The following SLC9A7 variants were observed in gnomAD, a reference collection of about 807,000 sequenced individuals.
SLC9A7 encodes the protein sodium/hydrogen exchanger 7.
In SLC9A7, 19 loss-of-function variants were observed where a neutral mutation model predicts 52.6. That is an observed-to-expected ratio of 0.36 (90% CI 0.25 to 0.53). The LOEUF is 0.53. Among genes scored for constraint, SLC9A7 ranks in the 20% least tolerant of loss-of-function variants. The pLI is 0.91. For synonymous variants in SLC9A7, 226 were observed against 252.1 expected, an observed-to-expected ratio of 0.90 and a Z score of 0.98; for missense variants, 455 against 597.9, an observed-to-expected ratio of 0.76 and a Z score of 2.49.
intron 1 of SLC9A7, among the ~76,000 whole-genome samples, chrX:46,754,825 T>C (rs1556290932): frequency 8.9e-6 from 1 of 112,545 alleles, no homozygotes; most frequent in Non-Finnish European, 1.9e-5. Context: ...AGAACCACAA[T>C]GAACTGGCAC....
chrX:46,606,684 AT>A lies in SLC9A7; in HGVS notation c.*267del, dbSNP rs1208435727. The A allele has an allele frequency of 2.0e-4, 205 of 1,004,513 alleles. No individual in the cohort carries two copies. The highest frequency in any genetic ancestry group is 5.2e-4 in the East Asian group (13 of 24,884). 82.8% of individuals were successfully genotyped at this position (1,004,513 alleles called of 1,213,427 possible). A position where few individuals can be genotyped will look rare whatever the true frequency, so the allele number is the denominator to read the frequency against. ...AATTAGGAGACCATTAAAGCATGCT[AT>A]TTTTTTTTGTTTGTTTAACTCTGAA... On this transcript the variant is annotated 3_prime_UTR_variant, in exon 17 of 17. Transcript: ENST00000616978.
chrX:46,678,601 T>C (rs1478203298), intron 3 of SLC9A7, among the ~76,000 whole-genome samples: 1 of 108,847 alleles, frequency 9.2e-6, no homozygotes, highest in Non-Finnish European at 1.9e-5. Context: ...CATGCCCAGC[T>C]AATTTTTTTG....
Position 46,672,464 on chromosome X carries a change from A to T in SLC9A7, c.680+87T>A, listed in dbSNP as rs186502069. The T allele has an allele frequency of 2.3e-4, 158 of 692,495 alleles. No homozygotes were observed. The East Asian group carries it at 4.2e-3, about 19-fold the overall frequency. 57.1% of individuals were successfully genotyped at this position (692,495 alleles called of 1,213,427 possible). A position where few individuals can be genotyped will look rare whatever the true frequency, so the allele number is the denominator to read the frequency against. On this transcript the variant is annotated intron_variant, in intron 4 of 16. Coordinates refer to ENST00000616978, the MANE Select transcript of SLC9A7 (RefSeq NM_001257291.2). ...GATCCTGACTGCCATCATCAAAAAT[A>T]TCAAAATACTGGACTCTGTGGACCC...
chrX:46,738,892 T>C (rs1311873526), intron 1 of SLC9A7, among the ~76,000 whole-genome samples: 1 of 111,188 alleles, frequency 9.0e-6, no homozygotes, highest in Non-Finnish European at 1.9e-5. Flanking sequence ...GATACCAGGG[T>C]ATCACTGTTA....
chrX:46,653,790 G>A, intron 7 of SLC9A7, 76 bp from the exon 8 acceptor site: 1 of 732,064 alleles, frequency 1.4e-6, no homozygotes, highest in Non-Finnish European at 2.0e-6. Flanking sequence ...ACTAGCCCAG[G>A]ACCCCTCCCC....
At chrX:46,709,601 TAACAAC>T (rs1221487521) in intron 1 of SLC9A7, among the ~76,000 whole-genome samples, 1 of 110,398 alleles carries the variant, frequency 9.1e-6, no homozygotes, top group Non-Finnish European at 1.9e-5. Context: ...TTACCTAAAA[TAACAAC>T]AACAACAAAA....
At chrX:46,654,696 A>C (rs1050964935) in intron 7 of SLC9A7, among the ~76,000 whole-genome samples, 2 of 110,595 alleles carry the variant, frequency 1.8e-5, no homozygotes, top group African/African-American at 6.6e-5. Context: ...AAAGAAATGC[A>C]TAATTCTTGA....
chrX:46,743,303 T>C (rs1366555040), intron 1 of SLC9A7, among the ~76,000 whole-genome samples: 1 of 112,062 alleles, frequency 8.9e-6, no homozygotes, highest in African/African-American at 3.2e-5. Context: ...GATAAGGTTG[T>C]TTTGTGTGCC....
chrX:46,635,109 A>C (rs1943297640), intron 13 of SLC9A7, among the ~76,000 whole-genome samples: 1 of 112,401 alleles, frequency 8.9e-6, no homozygotes, highest in African/African-American at 3.2e-5. Flanking sequence ...GCACAAGTAC[A>C]CAAATATGTA....
chrX:46,643,494 T>C (rs1943439868), intron 11 of SLC9A7, 105 bp from the exon 12 acceptor site: 1 of 790,312 alleles, frequency 1.3e-6, no homozygotes, highest in Admixed American at 3.1e-5. Context: ...TCATTCATGC[T>C]TCAGGGGCCA....
In SLC9A7 at chrX:46,758,843, C is replaced by A. The variant is rs1922889212; in HGVS notation, c.187G>T (p.Ala63Ser). ...AMEELATEKEAEESHRQDSVS... is the reference protein window; with the variant it reads ...AMEELATEKESEESHRQDSVS... ...CTGTCTTGCCGGTGGCTCTCCTCCG[C>A]CTCCTTCTCAGTAGCGAGCTCCTCC... Residue 63 changes from alanine (A) to serine (S), a missense_variant, in exon 1 of 17, where the codon GCG (alanine) becomes TCG (serine). Physicochemically the swap from Ala to Ser is moderately conservative, Grantham distance 99 (BLOSUM62 1). Coordinates refer to ENST00000616978, the MANE Select transcript of SLC9A7 (RefSeq NM_001257291.2). 1 of 1,204,952 alleles carries A rather than the reference C, an allele frequency of 8.3e-7. No individual in the cohort carries two copies. Among genetic ancestry groups the A allele is most frequent in the African/African-American group, 1.8e-5 (1 of 57,073 alleles).
At chrX:46,636,897 G>C (rs1381937194) in intron 12 of SLC9A7, among the ~76,000 whole-genome samples, 2 of 111,998 alleles carry the variant, frequency 1.8e-5, no homozygotes, top group Non-Finnish European at 3.8e-5. Flanking sequence ...TCTTAAGGTG[G>C]TACTTTTAAT....
intron 1 of SLC9A7, among the ~76,000 whole-genome samples, chrX:46,701,048 T>C (rs896402995): frequency 8.9e-6 from 1 of 111,760 alleles, no homozygotes; most frequent in African/African-American, 3.3e-5. Flanking sequence ...AGAAACTACT[T>C]AACTTTGGTT....
At chrX:46,629,090 G>C (rs945078972) in intron 14 of SLC9A7, among the ~76,000 whole-genome samples, 1 of 112,523 alleles carries the variant, frequency 8.9e-6, no homozygotes, top group Non-Finnish European at 1.9e-5. Flanking sequence ...ACTTTGAGGG[G>C]CCCTCTGCAT....
intron 1 of SLC9A7, among the ~76,000 whole-genome samples, chrX:46,714,051 A>T (rs764341104): frequency 1.8e-5 from 2 of 111,282 alleles, no homozygotes; most frequent in East Asian, 5.6e-4. Flanking sequence ...AAACAGAAAA[A>T]GTACATTTTA....
At chrX:46,667,782 C>T (rs1012169035) in intron 5 of SLC9A7, among the ~76,000 whole-genome samples, 15 of 112,272 alleles carry the variant, frequency 1.3e-4, no homozygotes, top group Non-Finnish European at 2.1e-4. Flanking sequence ...TTCTCCAGAA[C>T]TTCTTTCCCT....
intron 7 of SLC9A7, among the ~76,000 whole-genome samples, chrX:46,661,227 TG>T (rs1943814058): frequency 1.6e-5 from 1 of 64,135 alleles, no homozygotes; most frequent in Non-Finnish European, 2.9e-5. Flanking sequence ...TGTTGTGGGG[TG>T]GGGGAAGGGG....
rs940346393 is a variant in SLC9A7, at chrX:46,618,156, CAAAG to C, written c.1823+2817_1823+2820del. On this transcript the variant is annotated intron_variant, in intron 15 of 16. Transcript: ENST00000616978. ...CAGAGCAGAGCATTTGGCAGAGTCA[CAAAG>C]ATAGAGTGAACCTGACAAAAAAGAA... Among the ~76,000 whole-genome samples, 17 of 110,807 alleles carry C rather than the reference CAAAG, an allele frequency of 1.5e-4. No homozygotes were observed. In the Admixed American group the frequency reaches 1.5e-3, roughly 10 times the overall value.
intron 1 of SLC9A7, among the ~76,000 whole-genome samples, chrX:46,738,753 G>C (rs1440625113): frequency 9.3e-6 from 1 of 107,196 alleles, no homozygotes; most frequent in East Asian, 2.9e-4. Context: ...CTGGGCGACA[G>C]AGCAAGACTC....
Sources: gnomAD v4.1 joint callset for allele counts (sites outside exome capture counted in the v4.1 genomes callset) on GRCh38, gnomAD v4.1.1 for gene constraint, MANE v1.5 for transcripts, NCBI Gene and HGNC (gene_info 2026-07-23, HGNC 2026-07-21) for gene names.